The following REG4 variants were observed in gnomAD, a reference collection of about 807,000 sequenced individuals.
REG4 encodes the protein regenerating islet-derived protein 4.
In REG4, 16 loss-of-function variants were observed where a neutral mutation model predicts 22.3. The observed-to-expected ratio is 0.72, with a 90% CI of 0.49 to 1.09. The LOEUF is 1.09. Ranked by LOEUF, REG4 falls within the 50% of genes least tolerant of loss-of-function variation. The pLI, the probability that REG4 is intolerant of heterozygous loss-of-function variation, is 0.00. For synonymous variants in REG4, 71 were observed against 69.2 expected (o/e 1.03, Z -0.13); for missense variants, 214 against 193.9 (o/e 1.10, Z -0.61).
chr1:119,805,921 C>A (rs116270150), intron 2 of REG4, among the ~76,000 whole-genome samples: 250 of 152,160 alleles, frequency 1.6e-3, no homozygotes, highest in African/African-American at 5.8e-3. Flanking sequence ...ATGCAACCAA[C>A]GGCCGCTCTG....
At chr1:119,796,690 G>T (rs1224052504) in intron 5 of REG4, among the ~76,000 whole-genome samples, 1 of 152,072 alleles carries the variant, frequency 6.6e-6, no homozygotes, top group Non-Finnish European at 1.5e-5. Context: ...GTGCTTTTCT[G>T]CCTTGAGAGC....
intron 3 of REG4, chr1:119,802,665 G>C (rs1654147753): frequency 2.2e-6 from 3 of 1,379,372 alleles, no homozygotes; most frequent in African/African-American, 1.5e-5. Context: ...CGGCTCCAAG[G>C]TGTCTGCTCC....
chr1:119,809,545 T>C (rs1307037071), intron 1 of REG4, among the ~76,000 whole-genome samples: 4 of 152,220 alleles, frequency 2.6e-5, no homozygotes, highest in Admixed American at 1.3e-4. Context: ...CCTACAGATA[T>C]CTTTCTATGC....
At chr1:119,803,265 G>C in intron 2 of REG4, 100 bp from the exon 3 acceptor site, 6 of 1,246,816 alleles carry the variant, frequency 4.8e-6, no homozygotes, top group Non-Finnish European at 6.4e-6. Flanking sequence ...AATGAAGAGA[G>C]TCCCTTCATG....
intron 2 of REG4, among the ~76,000 whole-genome samples, chr1:119,804,869 C>G (rs587753852): frequency 2.0e-5 from 3 of 152,138 alleles, no homozygotes; most frequent in Non-Finnish European, 4.4e-5. Flanking sequence ...TTCTATCTCT[C>G]TCCCCTCCCC....
intron 2 of REG4, 104 bp from the exon 3 acceptor site, chr1:119,803,269 C>T (rs1654181265): frequency 8.1e-7 from 1 of 1,232,840 alleles, no homozygotes; most frequent in Non-Finnish European, 1.1e-6. Flanking sequence ...AAGAGAGTCC[C>T]TTCATGAAGG....
At position 119,802,971 on chromosome 1, in the gene REG4, C is replaced by T. The variant is rs770419961; in HGVS notation, c.165+97G>A. 6 of 1,581,094 alleles carry T rather than the reference C, an allele frequency of 3.8e-6. No homozygotes were observed. In the South Asian group the frequency reaches 6.9e-5, roughly 18 times the overall value. On this transcript the variant is annotated intron_variant, in intron 3 of 5. Transcript: ENST00000256585. ...CAAAGGGGCTTCTCTTCATAGTGCC[C>T]AGGAAGGACACTTGATCCTGAATCA... is the stretch of plus-strand genomic sequence containing the variant.
chr1:119,799,643 A>G (rs1461955449), intron 4 of REG4, 82 bp downstream of exon 4: 1 of 1,543,524 alleles, frequency 6.5e-7, no homozygotes, highest in East Asian at 2.3e-5. Context: ...TGTCCTTGTT[A>G]TAGGCCGGGA....
chr1:119,802,822 T>C, intron 3 of REG4: 1 of 1,524,558 alleles, frequency 6.6e-7, no homozygotes. Context: ...GGGTAGGGGC[T>C]CTTTCCTATG....
chr1:119,794,848 G>A (rs766823271), intron 5 of REG4, among the ~76,000 whole-genome samples, 163 bp from the exon 6 acceptor site: 2 of 152,184 alleles, frequency 1.3e-5, no homozygotes, highest in South Asian at 4.1e-4. Flanking sequence ...TTGCTGCGAA[G>A]GTGTTTTTTA....
At chr1:119,800,006 T>A in intron 3 of REG4, 144 bp from the exon 4 acceptor site, 1 of 1,058,984 alleles carries the variant, frequency 9.4e-7, no homozygotes, top group African/African-American at 1.6e-5. Context: ...ACAGAAGGCT[T>A]CCTGCCACCC....
chr1:119,807,245 C>T (rs184701080), intron 2 of REG4, among the ~76,000 whole-genome samples: 257 of 152,308 alleles, frequency 1.7e-3, no homozygotes, highest in African/African-American at 6.0e-3. Flanking sequence ...TAAGTCCCCT[C>T]TATTTCTCTT....
At chr1:119,796,893 G>A (rs921642359) in intron 5 of REG4, among the ~76,000 whole-genome samples, 1 of 152,210 alleles carries the variant, frequency 6.6e-6, no homozygotes, top group African/African-American at 2.4e-5. Flanking sequence ...TGTCCAATGG[G>A]AATGTCAGAA....
At chr1:119,798,188 C>T (rs1653987254) in intron 5 of REG4, among the ~76,000 whole-genome samples, 1 of 152,130 alleles carries the variant, frequency 6.6e-6, no homozygotes, top group Admixed American at 6.5e-5. Flanking sequence ...GGATATATAT[C>T]CCTCTCATGG....
At chr1:119,806,130 C>T (rs1002976173) in intron 2 of REG4, among the ~76,000 whole-genome samples, 1 of 152,018 alleles carries the variant, frequency 6.6e-6, no homozygotes, top group African/African-American at 2.4e-5. Context: ...TAGAGACAGA[C>T]AGAGTTTCGC....
At chr1:119,795,177 C>T (rs1653900685) in intron 5 of REG4, among the ~76,000 whole-genome samples, 1 of 152,194 alleles carries the variant, frequency 6.6e-6, no homozygotes, top group African/African-American at 2.4e-5. Context: ...AACCGTAATA[C>T]AGATACCAAC....
chr1:119,808,104 C>A (rs1036055213), intron 2 of REG4, among the ~76,000 whole-genome samples: 1 of 152,248 alleles, frequency 6.6e-6, no homozygotes, highest in African/African-American at 2.4e-5. Flanking sequence ...AAAGACATTA[C>A]ACCAGATGAG....
intron 5 of REG4, among the ~76,000 whole-genome samples, chr1:119,795,081 C>T (rs1056686226): frequency 1.3e-5 from 2 of 152,214 alleles, no homozygotes; most frequent in Non-Finnish European, 2.9e-5. Context: ...TGAGACTTCA[C>T]AGCCCCCACA....
At chr1:119,798,644 C>T in intron 4 of REG4, 42 bp from the exon 5 acceptor site, 1 of 1,515,232 alleles carries the variant, frequency 6.6e-7, no homozygotes, top group Non-Finnish European at 9.2e-7. Flanking sequence ...CTCAGCAACC[C>T]ACCTGCCACA....
Sources: allele counts gnomAD v4.1 joint callset (sites outside exome capture counted in the v4.1 genomes callset), GRCh38; gene constraint gnomAD v4.1.1; transcripts MANE v1.5; gene names NCBI Gene and HGNC (gene_info 2026-07-23, HGNC 2026-07-21).